Variants in NT5DC3 observed in about 807,000 individuals in gnomAD.
NT5DC3 encodes the protein 5'-nucleotidase domain-containing protein 3.
NT5DC3 carries 42 observed loss-of-function variants against 67.8 expected under a neutral mutation model. That is an observed-to-expected ratio of 0.62 (90% CI 0.48 to 0.80). NT5DC3 has a LOEUF of 0.80. Ranked by LOEUF, NT5DC3 falls within the 30% of genes least tolerant of loss-of-function variation. The pLI, the probability that NT5DC3 is intolerant of heterozygous loss-of-function variation, is 0.00. For missense variants in NT5DC3, 570 were observed against 696.4 expected (o/e 0.82, Z 2.04); for synonymous variants, 237 against 255.6 (o/e 0.93, Z 0.69).
the NT5DC3 span, among the ~76,000 whole-genome samples, chr12:103,754,472 T>C: frequency 3.3e-5 from 5 of 152,134 alleles, no homozygotes; most frequent in South Asian, 2.1e-4. Context: ...ATAGGGTTGA[T>C]TGAGAGTTAA....
downstream of NT5DC3, among the ~76,000 whole-genome samples, chr12:103,768,087 CAAAAAAAA>C (rs34935949): frequency 2.3e-5 from 2 of 87,220 alleles, no homozygotes; most frequent in African/African-American, 4.4e-5. Context: ...GACTCCTTCT[CAAAAAAAA>C]AAAAAAAAAA....
At chr12:103,833,980 T>C (rs1888040809) in intron 1 of NT5DC3, among the ~76,000 whole-genome samples, 1 of 152,230 alleles carries the variant, frequency 6.6e-6, no homozygotes, top group Admixed American at 6.5e-5. Flanking sequence ...AGAACGAGGA[T>C]TCTCAACCTT....
In NT5DC3 at chr12:103,815,133, G is replaced by GA. The variant is rs542701062; in HGVS notation, c.209-13dup. On this transcript the variant is annotated splice_polypyrimidine_tract_variant and intron_variant, in intron 1 of 13. Coordinates refer to ENST00000392876, the MANE Select transcript of NT5DC3 (RefSeq NM_001031701.3). ...GGAAGGAACCAATTCTGGAAATAAA[G>GA]AAAAAAAATACATTATACTACATAA... The GA allele has an allele frequency of 1.9e-4, 297 of 1,553,842 alleles. 3 individuals carry two copies. The African/African-American group carries it at 3.1e-3, about 16-fold the overall frequency.
At chr12:103,761,008 T>TACTC in the NT5DC3 span, among the ~76,000 whole-genome samples, 123,247 of 151,654 alleles carry the variant, frequency 0.81, 50,475 homozygotes, top group South Asian at 0.93. Flanking sequence ...GTTTGCTACT[T>TACTC]CCTGGGTGAT....
chr12:103,784,360 C>T (rs955059767), intron 12 of NT5DC3, among the ~76,000 whole-genome samples: 7 of 152,218 alleles, frequency 4.6e-5, no homozygotes, highest in Non-Finnish European at 1.0e-4. Flanking sequence ...CCCAGGGGGA[C>T]GTGCAGGGCC....
intron 4 of NT5DC3, among the ~76,000 whole-genome samples, chr12:103,806,035 G>A (rs925880123): frequency 5.3e-5 from 8 of 151,792 alleles, no homozygotes; most frequent in African/African-American, 7.3e-5. Flanking sequence ...GACTGCTCCC[G>A]ACCTCTGAGC....
intron 1 of NT5DC3, among the ~76,000 whole-genome samples, chr12:103,840,377 G>GCTCAGCTCATCTCATCTCATCTCAT (rs1555266142): frequency 4.2e-4 from 49 of 115,414 alleles, no homozygotes; most frequent in Admixed American, 2.7e-3. Flanking sequence ...ACACCGCACA[G>GCTCAGCTCATCTCATCTCATCTCAT]CTCATCTCAT....
At chr12:103,815,186 G>T (rs1887197672) in intron 1 of NT5DC3, 65 bp from the exon 2 acceptor site, 1 of 1,014,766 alleles carries the variant, frequency 9.9e-7, no homozygotes, top group Non-Finnish European at 1.4e-6. Context: ...GATTCCTAAA[G>T]AAAAAAAATG....
At chr12:103,783,150 G>A (rs1234505870) in intron 12 of NT5DC3, among the ~76,000 whole-genome samples, 1 of 152,218 alleles carries the variant, frequency 6.6e-6, no homozygotes, top group Non-Finnish European at 1.5e-5. Flanking sequence ...ATCTACCACA[G>A]GCTCAGTGGA....
chr12:103,840,419 T>TCATCTCATCTCATCTCATTCCATCC (rs1566137806), intron 1 of NT5DC3, among the ~76,000 whole-genome samples: 3 of 125,800 alleles, frequency 2.4e-5, no homozygotes, highest in Non-Finnish European at 3.5e-5. Context: ...TCATCTCATC[T>TCATCTCATCTCATCTCATTCCATCC]CATTCCATCC....
intron 10 of NT5DC3, among the ~76,000 whole-genome samples, chr12:103,788,135 C>T (rs76823519): frequency 6.6e-6 from 1 of 152,076 alleles, no homozygotes; most frequent in Non-Finnish European, 1.5e-5. Flanking sequence ...TCATATGACA[C>T]CAAAATATAT....
At chr12:103,833,349 AT>A (rs1051430292) in intron 1 of NT5DC3, among the ~76,000 whole-genome samples, 8 of 152,266 alleles carry the variant, frequency 5.3e-5, no homozygotes, top group African/African-American at 1.9e-4. Flanking sequence ...TCTGAGAAAT[AT>A]TGGTCTAATT....
chr12:103,787,345 C>A, intron 11 of NT5DC3, 96 bp downstream of exon 11: 2 of 552,724 alleles, frequency 3.6e-6, no homozygotes, highest in Non-Finnish European at 3.0e-6. Flanking sequence ...AAGATATATT[C>A]TTAAATAAAA....
chr12:103,804,391 G>T (rs1489555988), intron 4 of NT5DC3, among the ~76,000 whole-genome samples: 4 of 152,156 alleles, frequency 2.6e-5, no homozygotes, highest in Non-Finnish European at 5.9e-5. Context: ...GAAAGGCTCA[G>T]CACAAGGAGG....
intron 2 of NT5DC3, among the ~76,000 whole-genome samples, chr12:103,812,052 G>A (rs921874872): frequency 2.9e-4 from 44 of 151,762 alleles, no homozygotes; most frequent in Middle Eastern, 3.4e-3. Flanking sequence ...TCTATTCCTC[G>A]GTGGACAAAT....
chr12:103,779,015 C>T (rs141859241), intron 13 of NT5DC3, among the ~76,000 whole-genome samples: 25 of 152,154 alleles, frequency 1.6e-4, no homozygotes, highest in African/African-American at 6.0e-4. Flanking sequence ...CAGGAGGCTC[C>T]ACTTCCCTTA....
Position 103,840,980 on chromosome 12 carries a change from C to A in NT5DC3, c.177G>T (p.Glu59Asp). ...TAPDMKRYLWERYREAKRSTE... is the reference protein window; with the variant it reads ...TAPDMKRYLWDRYREAKRSTE... The stretch of plus-strand genomic sequence containing the variant: ...TGCTTCTCTTCGCCTCCCGGTAGCG[C>A]TCCCACAGGTAGCGCTTCATGTCCG... Residue 59 changes from glutamate (E) to aspartate (D), a missense_variant, in exon 1 of 14, where the codon GAG becomes GAT. By Grantham distance (45) the Glu-to-Asp change is conservative. Transcript: ENST00000392876. 7.5e-7 allele frequency: 1 copy of A among 1,337,712 alleles called. No individual in the cohort carries two copies. The highest frequency in any genetic ancestry group is 9.6e-7 in the Non-Finnish European group (1 of 1,039,306). The allele number at this position is 1,337,712 out of a possible 1,614,324, so 82.9% of individuals were successfully genotyped here. A position where few individuals can be genotyped will look rare whatever the true frequency, so the allele number is the denominator to read the frequency against.
At chr12:103,803,463 A>G (rs928823125) in intron 4 of NT5DC3, among the ~76,000 whole-genome samples, 1 of 152,164 alleles carries the variant, frequency 6.6e-6, no homozygotes, top group Non-Finnish European at 1.5e-5. Context: ...CTTACAAAAT[A>G]CATGAAAAGT....
intron 4 of NT5DC3, among the ~76,000 whole-genome samples, chr12:103,804,172 C>A (rs537252024): frequency 6.6e-6 from 1 of 152,298 alleles, no homozygotes; most frequent in African/African-American, 2.4e-5. Context: ...ATCATCACCA[C>A]CACCTCCTCT....
Sources: gnomAD v4.1 joint callset for allele counts (sites outside exome capture counted in the v4.1 genomes callset) on GRCh38, gnomAD v4.1.1 for gene constraint, MANE v1.5 for transcripts, NCBI Gene and HGNC (gene_info 2026-07-23, HGNC 2026-07-21) for gene names.